The following NPNT variants were observed in gnomAD, a reference collection of about 807,000 sequenced individuals.
NPNT encodes the protein nephronectin, also known as preosteoblast EGF-like repeat protein with MAM domain.
NPNT carries 45 observed loss-of-function variants against 68.6 expected under a neutral mutation model. That is an observed-to-expected ratio of 0.66 (90% confidence interval 0.52 to 0.84). NPNT has a LOEUF of 0.84. Ranked by LOEUF, NPNT falls within the 40% of genes least tolerant of loss-of-function variation. NPNT has a pLI of 0.00. For synonymous variants in NPNT, 233 were observed against 253.3 expected (o/e 0.92, Z 0.76); for missense variants, 672 against 714.8 (o/e 0.94, Z 0.68).
chr4:105,900,104 A>G (rs1328603857), intron 2 of NPNT, among the ~76,000 whole-genome samples: 1 of 152,268 alleles, frequency 6.6e-6, no homozygotes, highest in Admixed American at 6.5e-5. Context: ...AAGAACTTCT[A>G]GCGAATTTAA....
chr4:105,953,809 T>C (rs551723096), intron 8 of NPNT, among the ~76,000 whole-genome samples: 1 of 152,326 alleles, frequency 6.6e-6, no homozygotes, highest in East Asian at 1.9e-4. Flanking sequence ...TTTTTAATCA[T>C]TTAGTCCAAC....
intron 2 of NPNT, among the ~76,000 whole-genome samples, chr4:105,914,461 A>G (rs1489969666): frequency 7.1e-6 from 1 of 140,078 alleles, no homozygotes; most frequent in East Asian, 2.0e-4. Flanking sequence ...ATAATATAAT[A>G]TATAATATAT....
At chr4:105,904,600 A>G (rs1412828909) in intron 2 of NPNT, among the ~76,000 whole-genome samples, 1 of 152,182 alleles carries the variant, frequency 6.6e-6, no homozygotes, top group Non-Finnish European at 1.5e-5. Flanking sequence ...CTTCCTGCCT[A>G]TCATTTACTT....
At chr4:105,957,358 C>T (rs957644488) in intron 8 of NPNT, among the ~76,000 whole-genome samples, 6 of 152,082 alleles carry the variant, frequency 3.9e-5, no homozygotes, top group Non-Finnish European at 5.9e-5. Flanking sequence ...CCTTAGTGCC[C>T]GCCACAGTGG....
At chr4:105,924,715 A>G (rs779893862) in intron 2 of NPNT, among the ~76,000 whole-genome samples, 3 of 152,176 alleles carry the variant, frequency 2.0e-5, no homozygotes, top group Non-Finnish European at 4.4e-5. Context: ...AGTACTATAA[A>G]TTGATGGTTC....
intron 2 of NPNT, among the ~76,000 whole-genome samples, chr4:105,918,650 CT>C (rs1728004600): frequency 6.6e-6 from 1 of 152,128 alleles, no homozygotes; most frequent in Non-Finnish European, 1.5e-5. Context: ...ATCAGGACAT[CT>C]CTGCTTACTT....
intron 2 of NPNT, among the ~76,000 whole-genome samples, chr4:105,909,563 G>A (rs1379383683): frequency 6.6e-6 from 1 of 152,182 alleles, no homozygotes; most frequent in East Asian, 1.9e-4. Flanking sequence ...TTCTAAAGTA[G>A]TGTACTGAAA....
chr4:105,967,095 G>GAAAAAAA (rs371424664), intron 10 of NPNT, 93 bp from the exon 11 acceptor site: 5 of 1,036,308 alleles, frequency 4.8e-6, no homozygotes, highest in African/African-American at 3.5e-5. Flanking sequence ...ACAAAGAAAA[G>GAAAAAAA]AAAAAAAAAA....
intron 2 of NPNT, among the ~76,000 whole-genome samples, chr4:105,899,020 C>T (rs1726187522): frequency 6.6e-6 from 1 of 152,080 alleles, no homozygotes; most frequent in Non-Finnish European, 1.5e-5. Flanking sequence ...CTAGAGCTGG[C>T]AATGGAGAAG....
At chr4:105,903,783 C>CTTTTTTTT (rs746122761) in intron 2 of NPNT, among the ~76,000 whole-genome samples, 3 of 126,958 alleles carry the variant, frequency 2.4e-5, no homozygotes, top group Non-Finnish European at 3.3e-5. Flanking sequence ...GACCTTCTTA[C>CTTTTTTTT]TTTTTTTTTT....
chr4:105,966,148 T>C (rs75349392), intron 10 of NPNT, among the ~76,000 whole-genome samples: 3,419 of 152,334 alleles, frequency 0.022, 35 homozygotes, highest in Non-Finnish European at 0.034. Flanking sequence ...TAGATACACA[T>C]GTTCAACATT....
chr4:105,896,052 A>T (rs916370696), intron 1 of NPNT: 1 of 357,194 alleles, frequency 2.8e-6, no homozygotes, highest in Non-Finnish European at 5.1e-6. Flanking sequence ...ACCTACGCCG[A>T]GGTGACGCGC....
At chr4:105,942,797 A>G in intron 8 of NPNT, 95 bp downstream of exon 8, 1 of 1,197,216 alleles carries the variant, frequency 8.4e-7, no homozygotes, top group Non-Finnish European at 1.2e-6. Context: ...AACTCGTAAG[A>G]AGAACTAGCT....
chr4:105,945,040 G>A lies in NPNT; in HGVS notation c.1159+2338G>A, dbSNP rs573670312. Among the ~76,000 whole-genome samples the A allele has an allele frequency of 1.7e-3, 258 of 152,210 alleles. 1 individual carries two copies. The highest frequency in any genetic ancestry group is 6.1e-3 in the African/African-American group (254 of 41,566). On this transcript the variant is annotated intron_variant, in intron 8 of 11. Transcript: ENST00000379987. Reference sequence around the variant, plus strand: ...GAGACAGGTCTGAGAATAGAATTTAGCTCACCTCATTTCATAAATTTTTAG... The same window carrying A: ...GAGACAGGTCTGAGAATAGAATTTAACTCACCTCATTTCATAAATTTTTAG...
rs1730067235 is a variant in NPNT at position 105,942,564 on chromosome 4, C to T, written c.1021C>T (p.Pro341Ser). 4 of 1,614,010 alleles carry T rather than the reference C, an allele frequency of 2.5e-6. No individual in the cohort carries two copies. Among genetic ancestry groups the T allele is most frequent in the Non-Finnish European group, 1.7e-6 (2 of 1,179,990 alleles). The part of the protein sequence containing the change: ...PPPLPTELRT[P>S]LPPTTPERPT... ...ACCCCTGCCAACAGAGCTCAGAACA[C>T]CTCTACCACCTACAACCCCAGAAAG... Residue 341 changes from proline to serine, a missense_variant, in exon 8 of 12, where the codon CCT becomes TCT. Transcript: ENST00000379987.
At chr4:105,912,648 T>G in intron 2 of NPNT, 1 of 712,410 alleles carries the variant, frequency 1.4e-6, no homozygotes, top group Non-Finnish European at 1.7e-6. Context: ...ATGGAACAAT[T>G]CAGGTAAGAA....
intron 11 of NPNT, 103 bp downstream of exon 11, chr4:105,967,547 A>C: frequency 8.0e-7 from 1 of 1,248,066 alleles, no homozygotes; most frequent in Non-Finnish European, 1.1e-6. Context: ...ATTCAGGCTC[A>C]GATAAAGGTT....
chr4:105,936,161 A>G (rs937646961), intron 3 of NPNT, among the ~76,000 whole-genome samples: 1 of 152,238 alleles, frequency 6.6e-6, no homozygotes, highest in African/African-American at 2.4e-5. Flanking sequence ...TTCATTTCAT[A>G]TTGATACTTA....
intron 1 of NPNT, chr4:105,896,068 A>G (rs1725814154): frequency 3.3e-6 from 1 of 305,810 alleles, no homozygotes; most frequent in East Asian, 7.1e-5. Context: ...CGCGCGAAAC[A>G]TCCCTTACCC....
Sources: gnomAD v4.1 joint callset for allele counts (sites outside exome capture counted in the v4.1 genomes callset) on GRCh38, gnomAD v4.1.1 for gene constraint, MANE v1.5 for transcripts, NCBI Gene and HGNC (gene_info 2026-07-23, HGNC 2026-07-21) for gene names.